Variants in VIPR2 observed in about 807,000 individuals in gnomAD.
VIPR2 encodes the protein vasoactive intestinal peptide receptor 2, also known as vasoactive intestinal polypeptide receptor 2.
Under a neutral mutation model 58.0 loss-of-function variants are expected in VIPR2, and 48 were observed. That is an observed-to-expected ratio of 0.83 (90% CI 0.66 to 1.05). The LOEUF (loss-of-function observed/expected upper bound fraction) is 1.05, where lower values mean the gene tolerates loss of function less well. Ranked by LOEUF, VIPR2 falls within the 50% of genes least tolerant of loss-of-function variation. VIPR2 has a pLI of 0.00. For missense variants in VIPR2, 534 were observed against 558.0 expected, an observed-to-expected ratio of 0.96 and a Z score of 0.43; for synonymous variants, 243 against 235.2, an observed-to-expected ratio of 1.03 and a Z score of -0.30.
chr7:159,118,444 C>G (rs1381053910), intron 2 of VIPR2, among the ~76,000 whole-genome samples: 1 of 152,220 alleles, frequency 6.6e-6, no homozygotes, highest in East Asian at 1.9e-4. Flanking sequence ...TCCTGATGAG[C>G]AAGACCAAGG....
chr7:159,102,879 GC>G (rs1308185892), intron 4 of VIPR2, among the ~76,000 whole-genome samples: 1 of 152,236 alleles, frequency 6.6e-6, no homozygotes, highest in Non-Finnish European at 1.5e-5. Context: ...CTCCTGCCTT[GC>G]CCTGTGCAGG....
intron 2 of VIPR2, among the ~76,000 whole-genome samples, chr7:159,122,890 A>T (rs1409071351): frequency 2.0e-5 from 3 of 152,124 alleles, no homozygotes; most frequent in Non-Finnish European, 4.4e-5. Flanking sequence ...GATTTGTTAT[A>T]TAGGTAAACT....
chr7:159,034,185 G>A, intron 10 of VIPR2, 28 bp downstream of exon 10: 4 of 1,610,862 alleles, frequency 2.5e-6, no homozygotes, highest in Non-Finnish European at 3.4e-6. Flanking sequence ...TCCCCATCAG[G>A]GACGGCCAGG....
intron 2 of VIPR2, among the ~76,000 whole-genome samples, chr7:159,124,245 G>T (rs970559899): frequency 3.3e-5 from 5 of 152,160 alleles, no homozygotes; most frequent in African/African-American, 1.2e-4. Context: ...GGATGCTATT[G>T]CCTAGGTTGT....
At chr7:159,038,205 G>T (rs1345749659) in intron 6 of VIPR2, among the ~76,000 whole-genome samples, 2 of 151,822 alleles carry the variant, frequency 1.3e-5, no homozygotes, top group South Asian at 2.1e-4. Context: ...CCTGCAGGCT[G>T]CCCCGACCTC....
At chr7:159,089,447 G>A (rs965013145) in intron 4 of VIPR2, among the ~76,000 whole-genome samples, 9 of 151,378 alleles carry the variant, frequency 5.9e-5, no homozygotes, top group Non-Finnish European at 1.2e-4. Flanking sequence ...TGTGGAATGG[G>A]AATAGCCTCA....
chr7:159,062,096 G>A (rs1855709241), intron 4 of VIPR2, among the ~76,000 whole-genome samples: 1 of 152,206 alleles, frequency 6.6e-6, no homozygotes, highest in African/African-American at 2.4e-5. Flanking sequence ...GGCGCCGGCG[G>A]GTGTGAAGCA....
In VIPR2 at chr7:159,035,688, C is replaced by T. The variant is rs548453481; in HGVS notation, c.809+264G>A. 14 of 985,226 alleles carry T rather than the reference C, an allele frequency of 1.4e-5. No homozygotes were observed. In the Admixed American group the frequency reaches 6.8e-4, roughly 48 times the overall value. The allele number at this position is 985,226 out of a possible 1,614,324, so 61.0% of individuals were successfully genotyped here. ...TCGCTGTGCCCACCGCAGGGGCTGC[C>T]CCAGTCTCTGCCTGGCTTATCCCAA... On this transcript the variant is annotated intron_variant, in intron 8 of 12. Coordinates refer to ENST00000262178, the MANE Select transcript of VIPR2 (RefSeq NM_003382.5).
At chr7:159,107,975 C>T (rs1181826873) in intron 3 of VIPR2, among the ~76,000 whole-genome samples, 1 of 152,216 alleles carries the variant, frequency 6.6e-6, no homozygotes, top group African/African-American at 2.4e-5. Context: ...AAAGAGAACA[C>T]AATGTTTCAT....
intron 5 of VIPR2, among the ~76,000 whole-genome samples, chr7:159,043,414 G>A (rs777237254): frequency 6.6e-6 from 1 of 152,098 alleles, no homozygotes; most frequent in African/African-American, 2.4e-5. Flanking sequence ...ATGAAGAAAC[G>A]TTTTTAGCAA....
intron 6 of VIPR2, among the ~76,000 whole-genome samples, chr7:159,037,634 CAAATA>C (rs1854059307): frequency 6.6e-6 from 1 of 152,098 alleles, no homozygotes; most frequent in South Asian, 2.1e-4. Context: ...AGAAATCTAG[CAAATA>C]AAATATTTTC....
At chr7:159,129,079 C>T (rs111622125) in intron 2 of VIPR2, among the ~76,000 whole-genome samples, 6 of 152,346 alleles carry the variant, frequency 3.9e-5, no homozygotes, top group Non-Finnish European at 7.3e-5. Flanking sequence ...CCGTCACCAC[C>T]CGCCTGGGGG....
intron 4 of VIPR2, among the ~76,000 whole-genome samples, chr7:159,061,434 C>T (rs1240212450): frequency 2.0e-5 from 3 of 151,494 alleles, no homozygotes; most frequent in Non-Finnish European, 4.4e-5. Flanking sequence ...ACTGCTTGCT[C>T]CCAGGAATTT....
intron 4 of VIPR2, among the ~76,000 whole-genome samples, chr7:159,090,924 CGGTG>C (rs1563316087): frequency 2.6e-3 from 314 of 122,438 alleles, no homozygotes; most frequent in Middle Eastern, 4.6e-3. Flanking sequence ...TCACAATCCC[CGGTG>C]ACCTCAGCAC....
chr7:159,063,686 G>A (rs920420172), intron 4 of VIPR2, among the ~76,000 whole-genome samples: 1 of 150,182 alleles, frequency 6.7e-6, no homozygotes, highest in Non-Finnish European at 1.5e-5. Context: ...TCACCTCTCA[G>A]TGGGGTCCAG....
chr7:159,068,775 C>T (rs1856230462), intron 4 of VIPR2, among the ~76,000 whole-genome samples: 1 of 152,220 alleles, frequency 6.6e-6, no homozygotes, highest in Non-Finnish European at 1.5e-5. Flanking sequence ...AGGCCACTGT[C>T]TCCTTTCCAA....
chr7:159,118,694 T>C (rs532915239), intron 2 of VIPR2, among the ~76,000 whole-genome samples: 1 of 152,372 alleles, frequency 6.6e-6, no homozygotes, highest in East Asian at 1.9e-4. Context: ...GAAAGTGACT[T>C]TTTCTCTTAC....
chr7:159,117,921 C>T (rs1796301258), intron 2 of VIPR2, among the ~76,000 whole-genome samples: 1 of 152,206 alleles, frequency 6.6e-6, no homozygotes, highest in Admixed American at 6.5e-5. Flanking sequence ...GACAGCTTGC[C>T]TCCAACGCAT....
intron 4 of VIPR2, among the ~76,000 whole-genome samples, chr7:159,069,325 T>C (rs1203813063): frequency 1.3e-5 from 2 of 152,178 alleles, no homozygotes; most frequent in African/African-American, 2.4e-5. Flanking sequence ...TGCCAGTCCC[T>C]GCTTTCTGGA....
Sources: gnomAD v4.1 joint callset for allele counts (sites outside exome capture counted in the v4.1 genomes callset) on GRCh38, gnomAD v4.1.1 for gene constraint, MANE v1.5 for transcripts, NCBI Gene and HGNC (gene_info 2026-07-23, HGNC 2026-07-21) for gene names.